AMZ1: variants seen among roughly 807,000 people sequenced by gnomAD.
AMZ1 encodes the protein archaelysin family metallopeptidase 1.
AMZ1 carries 39 observed loss-of-function variants against 29.9 expected under a neutral mutation model. That is an observed-to-expected ratio of 1.30 (90% confidence interval 1.01 to 1.70). The LOEUF is 1.70. Among genes scored for constraint, AMZ1 ranks in the 40% most tolerant of loss-of-function variants. The probability of loss-of-function intolerance (pLI) is 0.00; values close to 1 mark genes in which losing one functional copy is unlikely to be tolerated. For synonymous variants in AMZ1, 458 were observed against 304.0 expected (o/e 1.51, Z -5.27); for missense variants, 1,041 against 680.6 (o/e 1.53, Z -5.89).
intron 4 of AMZ1, among the ~76,000 whole-genome samples, chr7:2,735,612 C>T (rs570516321): frequency 6.6e-6 from 1 of 152,336 alleles, no homozygotes; most frequent in East Asian, 1.9e-4. Flanking sequence ...CCCAGCTGCA[C>T]TTCACAACAC....
intron 1 of AMZ1, among the ~76,000 whole-genome samples, chr7:2,689,831 T>C (rs541128945): frequency 6.6e-6 from 1 of 152,132 alleles, no homozygotes; most frequent in African/African-American, 2.4e-5. Flanking sequence ...CATGGATGGG[T>C]TGGTGAGTGC....
chr7:2,721,369 G>C (rs538475881), downstream of AMZ1, among the ~76,000 whole-genome samples: 2 of 152,184 alleles, frequency 1.3e-5, no homozygotes, highest in South Asian at 4.1e-4. Context: ...CACTCTGGAA[G>C]CCCGTGGATG....
rs542516385 is a variant in AMZ1 at position 2,690,592 on chromosome 7, C to G, written c.-219+2296C>G. ...GTTGGCTGAAGGTGGTGTTGTGTCT[C>G]TGGCTGGGTTTCCGATGTAGATGCT... On this transcript the variant is annotated intron_variant, in intron 1 of 6. Transcript: ENST00000683327. 1.3e-5 allele frequency among the ~76,000 whole-genome samples: 2 copies of G among 152,262 alleles called. 1 individual carries two copies. The highest frequency in any genetic ancestry group is 4.8e-5 in the African/African-American group (2 of 41,546).
chr7:2,734,394 C>G (rs185124327), intron 4 of AMZ1, among the ~76,000 whole-genome samples: 37 of 152,388 alleles, frequency 2.4e-4, no homozygotes, highest in African/African-American at 7.9e-4. Context: ...GGGGTCAAGG[C>G]TTCCAGGCTG....
chr7:2,691,430 G>A (rs895857507), intron 1 of AMZ1, among the ~76,000 whole-genome samples: 1 of 148,536 alleles, frequency 6.7e-6, no homozygotes, highest in African/African-American at 2.6e-5. Flanking sequence ...TTTGGAGGTC[G>A]GACAAGGTGT....
At position 2,731,832 on chromosome 7, in the gene AMZ1, TAAG is replaced by T. The variant is rs1458958581; in HGVS notation, n.550+22020_550+22022del. 3 of 740,756 alleles carry T rather than the reference TAAG, an allele frequency of 4.0e-6. No homozygotes were observed. The highest frequency in any genetic ancestry group is 6.3e-5 in the Admixed American group (2 of 31,972). 45.9% of individuals were successfully genotyped at this position (740,756 alleles called of 1,614,324 possible). On this transcript the variant is annotated intron_variant and non_coding_transcript_variant, in intron 4 of 4. Transcript: ENST00000489665. This position sits in a 1 kb window ranked among gnomAD's most constrained non-coding sequence, Gnocchi z 6.0. ...TAGAAACAAAAAGATGGCAAAAAGA[TAAG>T]AAGGAAAGAGACTGACTTTTGCAAC...
chr7:2,740,009 C>T (rs1301458678), intron 4 of AMZ1, among the ~76,000 whole-genome samples: 1 of 152,110 alleles, frequency 6.6e-6, no homozygotes, highest in African/African-American at 2.4e-5. Flanking sequence ...TTCTGAAGAC[C>T]ACCAAGCTGT....
intron 3 of AMZ1, among the ~76,000 whole-genome samples, chr7:2,706,197 ATGGGGTCTTGCTT>A (rs1788345906): frequency 6.6e-6 from 1 of 151,982 alleles, no homozygotes; most frequent in Non-Finnish European, 1.5e-5. Context: ...TTTTTTAGAG[ATGGGGTCTTGCTT>A]TGTGACCCAG....
In AMZ1 at chr7:2,712,698, C is replaced by A. The variant is rs577055541; in HGVS notation, c.1317C>A (p.Arg439=). 1 of 1,611,914 alleles carries A rather than the reference C, an allele frequency of 6.2e-7. No homozygotes were observed. The highest frequency in any genetic ancestry group is 1.1e-5 in the South Asian group (1 of 90,874). ...QVDRAVDALD[R]WEMFTGQLPA... ...ACAGAGCCGTGGACGCCCTCGACCG[C>A]TGGGAGATGTTCACGGGCCAGCTCC... Residue 439 remains arginine, a synonymous_variant, in exon 7 of 7, where the codon CGC becomes CGA. Transcript: ENST00000683327.
chr7:2,740,815 C>T (rs991147176), intron 4 of AMZ1, among the ~76,000 whole-genome samples: 15 of 152,120 alleles, frequency 9.9e-5, no homozygotes, highest in African/African-American at 1.9e-4. Flanking sequence ...GAGGCCGAGG[C>T]GGACGGATCA....
chr7:2,685,033 C>A (rs912985507), upstream of AMZ1, among the ~76,000 whole-genome samples: 1 of 151,988 alleles, frequency 6.6e-6, no homozygotes, highest in Middle Eastern at 3.4e-3. Flanking sequence ...CCACGCCCGG[C>A]TAATTTTTTG....
At chr7:2,750,960 C>T (rs1791005960) in intron 4 of AMZ1, among the ~76,000 whole-genome samples, 1 of 152,204 alleles carries the variant, frequency 6.6e-6, no homozygotes, top group African/African-American at 2.4e-5. Flanking sequence ...GGTACCCAGA[C>T]ATGCCAAAAT....
At chr7:2,710,466 C>T (rs7799692) in intron 6 of AMZ1, among the ~76,000 whole-genome samples, 1,735 of 152,326 alleles carry the variant, frequency 0.011, 46 homozygotes, top group African/African-American at 0.04. Context: ...TCAATGAAAC[C>T]GCGCTGGAAA....
intron 4 of AMZ1, among the ~76,000 whole-genome samples, chr7:2,743,884 G>A (rs1790631781): frequency 6.6e-6 from 1 of 152,112 alleles, no homozygotes; most frequent in African/African-American, 2.4e-5. Flanking sequence ...CCCGCACCTG[G>A]CTCGGAGGGT....
At chr7:2,744,711 A>C (rs1439676778) in intron 4 of AMZ1, among the ~76,000 whole-genome samples, 1 of 152,216 alleles carries the variant, frequency 6.6e-6, no homozygotes, top group African/African-American at 2.4e-5. Context: ...TCAGACAATC[A>C]AACTACTCTG....
downstream of AMZ1, among the ~76,000 whole-genome samples, chr7:2,720,342 T>C (rs1789365644): frequency 6.6e-6 from 1 of 152,210 alleles, no homozygotes; most frequent in African/African-American, 2.4e-5. Flanking sequence ...TGAACACTTT[T>C]TATGCGCTGT....
At chr7:2,726,753 T>G (rs552249397) in intron 4 of AMZ1, among the ~76,000 whole-genome samples, 4 of 152,250 alleles carry the variant, frequency 2.6e-5, no homozygotes, top group African/African-American at 7.2e-5. Context: ...TGCCCCGTGA[T>G]GCCGAAGAGC....
intron 4 of AMZ1, chr7:2,730,678 G>T (rs896477429): frequency 1.3e-5 from 2 of 153,890 alleles, no homozygotes; most frequent in African/African-American, 4.8e-5. Flanking sequence ...CAGGCACTGA[G>T]TTTAGCAGCA....
intron 4 of AMZ1, among the ~76,000 whole-genome samples, chr7:2,732,538 C>G (rs1037638926): frequency 6.6e-5 from 10 of 152,014 alleles, no homozygotes; most frequent in African/African-American, 2.4e-4. Context: ...AGAGTGAGAC[C>G]CTGTCTCAAA....
Sources: gnomAD v4.1 joint callset for allele counts (sites outside exome capture counted in the v4.1 genomes callset) on GRCh38, gnomAD v4.1.1 for gene constraint, Gnocchi (gnomAD v3.1) non-coding constraint, MANE v1.5 for transcripts, NCBI Gene and HGNC (gene_info 2026-07-23, HGNC 2026-07-21) for gene names.